The following ARNT variants were observed in gnomAD, a reference collection of about 807,000 sequenced individuals.
ARNT encodes the protein aryl hydrocarbon receptor nuclear translocator.
In ARNT, 30 loss-of-function variants were observed where a neutral mutation model predicts 105.0. The ratio of observed to expected loss-of-function variants is 0.29; its 90% CI spans 0.21 to 0.39. The LOEUF (loss-of-function observed/expected upper bound fraction) is 0.39. Ranked by LOEUF, ARNT falls within the 10% of genes least tolerant of loss-of-function variation. The probability of loss-of-function intolerance (pLI) is 1.00; values close to 1 mark genes in which losing one functional copy is unlikely to be tolerated. For synonymous variants in ARNT, 304 were observed against 344.0 expected (o/e 0.88, Z 1.29); for missense variants, 748 against 978.7 (o/e 0.76, Z 3.15).
At chr1:150,844,316 C>T (rs1482005469) in intron 4 of ARNT, among the ~76,000 whole-genome samples, 3 of 152,206 alleles carry the variant, frequency 2.0e-5, no homozygotes, top group Non-Finnish European at 4.4e-5. Context: ...ATTATTTCAA[C>T]AGCTTCCTAT....
At chr1:150,829,343 AC>A in intron 11 of ARNT, 116 bp from the exon 12 acceptor site, 1 of 1,167,348 alleles carries the variant, frequency 8.6e-7, no homozygotes, top group Non-Finnish European at 1.2e-6. Context: ...GACTTTCTAA[AC>A]TTTCACATTT....
chr1:150,869,386 A>T (rs1667108193), intron 1 of ARNT, among the ~76,000 whole-genome samples: 1 of 152,030 alleles, frequency 6.6e-6, no homozygotes, highest in Admixed American at 6.5e-5. Flanking sequence ...ATGAGGCAGG[A>T]GAATGGCGTG....
chr1:150,845,263 A>G (rs377410867), intron 4 of ARNT, among the ~76,000 whole-genome samples: 3 of 152,176 alleles, frequency 2.0e-5, no homozygotes, highest in African/African-American at 4.8e-5. Flanking sequence ...CCAGCCTGGG[A>G]AACACAATGA....
chr1:150,815,722 G>A (rs921119444), intron 19 of ARNT, among the ~76,000 whole-genome samples: 4 of 151,030 alleles, frequency 2.6e-5, no homozygotes, highest in Non-Finnish European at 4.4e-5. Context: ...AAAATTAGGC[G>A]CAGTGGCGGG....
intron 19 of ARNT, among the ~76,000 whole-genome samples, 153 bp downstream of exon 19, chr1:150,816,106 A>T (rs1490169378): frequency 6.6e-6 from 1 of 152,164 alleles, no homozygotes; most frequent in Non-Finnish European, 1.5e-5. Flanking sequence ...GTGATTTTTA[A>T]TTAGCTACTC....
chr1:150,855,249 G>A (rs587761349), intron 2 of ARNT, among the ~76,000 whole-genome samples: 4 of 152,184 alleles, frequency 2.6e-5, no homozygotes, highest in Non-Finnish European at 4.4e-5. Context: ...ATCCTTTCAC[G>A]CAACCATTAA....
intron 2 of ARNT, among the ~76,000 whole-genome samples, chr1:150,854,692 A>G (rs1434350336): frequency 6.6e-6 from 1 of 151,942 alleles, no homozygotes; most frequent in Non-Finnish European, 1.5e-5. Context: ...CCTCGTCTCT[A>G]CTAAAAATAC....
intron 1 of ARNT, among the ~76,000 whole-genome samples, chr1:150,860,626 C>A (rs909229145): frequency 6.6e-6 from 1 of 151,934 alleles, no homozygotes; most frequent in African/African-American, 2.4e-5. Context: ...GAGGCCAAGG[C>A]GGGCATATCA....
At chr1:150,867,852 T>G (rs1289400147) in intron 1 of ARNT, among the ~76,000 whole-genome samples, 7 of 152,114 alleles carry the variant, frequency 4.6e-5, no homozygotes, top group Non-Finnish European at 8.8e-5. Flanking sequence ...CCCTCTATCC[T>G]GCCAGCCATG....
chr1:150,865,772 G>A (rs897553346), intron 1 of ARNT, among the ~76,000 whole-genome samples: 6 of 152,164 alleles, frequency 3.9e-5, no homozygotes, highest in African/African-American at 1.4e-4. Context: ...GTGTTATACT[G>A]CCTATTTCCT....
In ARNT at chr1:150,853,277, A is replaced by G. The variant is rs587718781; in HGVS notation, c.138-471T>C. The stretch of plus-strand genomic sequence containing the variant: ...GCCTGGGCGACAACTGCAAGACTCC[A>G]TCTCAAAAAAAAAAAGTACAAAACT... On this transcript the variant is annotated intron_variant, in intron 2 of 21. Coordinates refer to ENST00000358595, the MANE Select transcript of ARNT (RefSeq NM_001668.4). 1.8e-4 allele frequency: 67 copies of G among 382,470 alleles called. No homozygotes were observed. The Middle Eastern group carries it at 2.2e-3, about 12-fold the overall frequency. The allele number at this position is 382,470 out of a possible 1,614,324, so 23.7% of individuals were successfully genotyped here.
At chr1:150,872,861 C>T (rs1319638667) in intron 1 of ARNT, among the ~76,000 whole-genome samples, 2 of 152,142 alleles carry the variant, frequency 1.3e-5, no homozygotes, top group African/African-American at 2.4e-5. Flanking sequence ...ACTCAGGAGG[C>T]TGAAGTGGGA....
In ARNT at chr1:150,810,632, TAAAA is replaced by T. The variant is rs71645814; in HGVS notation, c.*1385_*1388del. ...CTTTAGCTACTGGCCAAAGCCAATTTAAAAAAAAAAAAAAAAAAGCTGGTATCTA... is the reference window on the plus strand; with the variant it reads ...CTTTAGCTACTGGCCAAAGCCAATTTAAAAAAAAAAAAAAGCTGGTATCTA... On this transcript the variant is annotated 3_prime_UTR_variant, in exon 22 of 22. Coordinates refer to ENST00000358595, the MANE Select transcript of ARNT (RefSeq NM_001668.4). 6 of 162,494 alleles carry T rather than the reference TAAAA, an allele frequency of 3.7e-5. No individual in the cohort carries two copies. The highest frequency in any genetic ancestry group is 8.9e-5 in the East Asian group (1 of 11,198). 10.1% of individuals were successfully genotyped at this position (162,494 alleles called of 1,614,324 possible).
intron 1 of ARNT, among the ~76,000 whole-genome samples, chr1:150,867,116 A>G (rs905702665): frequency 1.1e-4 from 17 of 152,106 alleles, no homozygotes; most frequent in Admixed American, 2.0e-4. Flanking sequence ...AGGCACAAAA[A>G]TCATTTGAAC....
chr1:150,857,038 A>G (rs747917577), intron 2 of ARNT, among the ~76,000 whole-genome samples: 7 of 152,292 alleles, frequency 4.6e-5, no homozygotes, highest in Non-Finnish European at 7.4e-5. Flanking sequence ...CAAAAATCTG[A>G]AAAATCAAAA....
At chr1:150,838,760 T>C (rs1287751863) in intron 6 of ARNT, among the ~76,000 whole-genome samples, 1 of 152,220 alleles carries the variant, frequency 6.6e-6, no homozygotes, top group African/African-American at 2.4e-5. Context: ...CCCTCAGAAG[T>C]CTTCCCTAAC....
At chr1:150,812,642 T>C (rs1328613884) in intron 21 of ARNT, 5 of 152,824 alleles carry the variant, frequency 3.3e-5, no homozygotes, top group African/African-American at 9.6e-5. Context: ...GCAGGGGCCA[T>C]GCTAATCTTC....
intron 3 of ARNT, among the ~76,000 whole-genome samples, chr1:150,849,066 G>A (rs937933158): frequency 1.3e-5 from 2 of 152,078 alleles, no homozygotes; most frequent in Non-Finnish European, 2.9e-5. Flanking sequence ...AGCCGGGCAT[G>A]GTAGTGCATG....
At chr1:150,819,002 T>G (rs1304128706) in intron 14 of ARNT, among the ~76,000 whole-genome samples, 1 of 152,060 alleles carries the variant, frequency 6.6e-6, no homozygotes, top group Non-Finnish European at 1.5e-5. Flanking sequence ...TAATAAAAAT[T>G]TCTAACTCAA....
Sources: gnomAD v4.1 joint callset for allele counts (sites outside exome capture counted in the v4.1 genomes callset) on GRCh38, gnomAD v4.1.1 for gene constraint, MANE v1.5 for transcripts, NCBI Gene and HGNC (gene_info 2026-07-23, HGNC 2026-07-21) for gene names.